The following ADK variants were observed in gnomAD, a reference collection of about 807,000 sequenced individuals.
ADK encodes N6,N6-dimethyladenosine kinase.
ADK carries 24 observed loss-of-function variants against 44.7 expected under a neutral mutation model. The ratio of observed to expected loss-of-function variants is 0.54; its 90% confidence interval spans 0.39 to 0.76. The LOEUF (loss-of-function observed/expected upper bound fraction) is 0.76. ADK is among the 30% of genes least tolerant of loss of function. The pLI, the probability that ADK is intolerant of heterozygous loss-of-function variation, is 0.00. For missense variants in ADK, 321 were observed against 425.1 expected (o/e 0.76, Z 2.15); for synonymous variants, 128 against 142.6 (o/e 0.90, Z 0.73).
chr10:74,333,360 C>T (rs1048328109), intron 4 of ADK, among the ~76,000 whole-genome samples: 4 of 152,036 alleles, frequency 2.6e-5, no homozygotes, highest in Admixed American at 1.3e-4. Flanking sequence ...TGCAGGGATA[C>T]GAATGAGAAG....
At chr10:74,261,546 A>G (rs903390425) in intron 3 of ADK, among the ~76,000 whole-genome samples, 4 of 152,200 alleles carry the variant, frequency 2.6e-5, no homozygotes, top group Admixed American at 6.5e-5. Flanking sequence ...TTCCTGAGAA[A>G]AGAATATGTG....
intron 6 of ADK, among the ~76,000 whole-genome samples, chr10:74,465,382 A>G (rs1198615037): frequency 6.6e-6 from 1 of 152,208 alleles, no homozygotes; most frequent in Non-Finnish European, 1.5e-5. Flanking sequence ...GGCATATTAA[A>G]TAAGACTTTA....
chr10:74,279,578 CAA>C (rs1259181483), intron 3 of ADK, among the ~76,000 whole-genome samples: 11 of 100,522 alleles, frequency 1.1e-4, no homozygotes, highest in African/African-American at 1.8e-4. Flanking sequence ...GACTTCATCT[CAA>C]AAAAAAAAAA....
chr10:74,704,574 C>G (rs1856532718), intron 10 of ADK, among the ~76,000 whole-genome samples: 1 of 152,092 alleles, frequency 6.6e-6, no homozygotes, highest in Non-Finnish European at 1.5e-5. Flanking sequence ...TGACATTCAC[C>G]TTGGGCAAAG....
chr10:74,156,469 G>C (rs1841752826), intron 1 of ADK, among the ~76,000 whole-genome samples: 1 of 152,136 alleles, frequency 6.6e-6, no homozygotes, highest in Non-Finnish European at 1.5e-5. Flanking sequence ...AATAAACTTA[G>C]CCAGGCATGG....
chr10:74,491,851 G>A (rs758299319), intron 6 of ADK, among the ~76,000 whole-genome samples: 1 of 152,132 alleles, frequency 6.6e-6, no homozygotes, highest in East Asian at 1.9e-4. Context: ...TTGTGGTTAG[G>A]AGTATGGGGC....
chr10:74,347,999 C>T (rs890303497), intron 4 of ADK, among the ~76,000 whole-genome samples: 1 of 152,208 alleles, frequency 6.6e-6, no homozygotes, highest in African/African-American at 2.4e-5. Flanking sequence ...CTTCAGAGGA[C>T]ATAAACTTTC....
rs572507849 is a variant in ADK at position 74,577,859 on chromosome 10, C to T, written c.727-11423C>T. Among the ~76,000 whole-genome samples the T allele has an allele frequency of 2.6e-5, 4 of 152,280 alleles. No homozygotes were observed. The East Asian group carries it at 5.8e-4, about 22-fold the overall frequency. ...TCATATTCATCTAGAACATCTCACA[C>T]CTTACTCTTACCACTTTACTCACAG... On this transcript the variant is annotated intron_variant, in intron 7 of 10. Coordinates refer to ENST00000539909, the MANE Select transcript of ADK (RefSeq NM_006721.4).
At chr10:74,286,440 C>A (rs1305223335) in intron 3 of ADK, among the ~76,000 whole-genome samples, 1 of 152,214 alleles carries the variant, frequency 6.6e-6, no homozygotes, top group Admixed American at 6.5e-5. Flanking sequence ...AGGGCCCAGG[C>A]ACATTCTAAG....
chr10:74,655,839 A>G (rs1854467971), intron 9 of ADK: 1 of 532,682 alleles, frequency 1.9e-6, no homozygotes, highest in Non-Finnish European at 3.6e-6. Context: ...GGTGGTACTC[A>G]TCAAGCAGGA....
chr10:74,660,796 G>A (rs1854691524), intron 9 of ADK, among the ~76,000 whole-genome samples: 1 of 150,998 alleles, frequency 6.6e-6, no homozygotes, highest in Middle Eastern at 3.3e-3. Context: ...CACTTTGGGA[G>A]GCCAAGGCAG....
chr10:74,387,339 G>C (rs1448647937), intron 4 of ADK, among the ~76,000 whole-genome samples: 1 of 152,160 alleles, frequency 6.6e-6, no homozygotes, highest in African/African-American at 2.4e-5. Context: ...AAATCAGTGT[G>C]AAACAAATGA....
chr10:74,550,065 C>T (rs1387232992), intron 7 of ADK, among the ~76,000 whole-genome samples: 1 of 140,626 alleles, frequency 7.1e-6, no homozygotes, highest in African/African-American at 2.5e-5. Flanking sequence ...AAATCAGAAC[C>T]CAATCACTTT....
At chr10:74,343,364 A>G (rs1841651073) in intron 4 of ADK, among the ~76,000 whole-genome samples, 1 of 152,188 alleles carries the variant, frequency 6.6e-6, no homozygotes, top group South Asian at 2.1e-4. Context: ...TATATGTATC[A>G]TATAAAGAAT....
chr10:74,372,405 G>A (rs570635076), intron 4 of ADK: 5 of 703,202 alleles, frequency 7.1e-6, no homozygotes, highest in Middle Eastern at 3.5e-4. Context: ...AGCAAACACT[G>A]AAAGGTCTTA....
At chr10:74,420,882 G>A (rs1844532624) in intron 6 of ADK, among the ~76,000 whole-genome samples, 1 of 151,976 alleles carries the variant, frequency 6.6e-6, no homozygotes, top group Non-Finnish European at 1.5e-5. Flanking sequence ...AATTACAAAC[G>A]ACGGGAAAGA....
At chr10:74,430,162 T>G (rs1317839523) in intron 6 of ADK, among the ~76,000 whole-genome samples, 1 of 152,218 alleles carries the variant, frequency 6.6e-6, no homozygotes, top group African/African-American at 2.4e-5. Context: ...TAATTAATTT[T>G]TTTTATTTTG....
chr10:74,548,318 C>T (rs909906358), intron 7 of ADK, among the ~76,000 whole-genome samples: 10 of 151,568 alleles, frequency 6.6e-5, no homozygotes, highest in Non-Finnish European at 1.0e-4. Context: ...CATAAAGCAA[C>T]AAAACAAAAA....
At chr10:74,638,501 A>G (rs1172566377) in intron 9 of ADK, among the ~76,000 whole-genome samples, 1 of 152,136 alleles carries the variant, frequency 6.6e-6, no homozygotes, top group East Asian at 1.9e-4. Flanking sequence ...CAAAAAAAAT[A>G]TGGAAATTAG....
Sources: allele counts gnomAD v4.1 joint callset (sites outside exome capture counted in the v4.1 genomes callset), GRCh38; gene constraint gnomAD v4.1.1; transcripts MANE v1.5; gene names NCBI Gene and HGNC (gene_info 2026-07-23, HGNC 2026-07-21).